Variants in MOCOS observed in about 807,000 individuals in gnomAD.
The protein encoded by MOCOS is human molybdenum cofactor sulfurase.
In MOCOS, 86 loss-of-function variants were observed where a neutral mutation model predicts 83.6. That is an observed-to-expected ratio of 1.03 (90% confidence interval 0.86 to 1.23). The LOEUF (loss-of-function observed/expected upper bound fraction) is 1.23, where lower values mean the gene tolerates loss of function less well. Ranked by LOEUF, MOCOS falls within the 50% of genes most tolerant of loss-of-function variation. MOCOS has a pLI of 0.00. For missense variants in MOCOS, 1,120 were observed against 1,126.9 expected (o/e 0.99, Z 0.09); for synonymous variants, 445 against 434.7 (o/e 1.02, Z -0.29).
intron 9 of MOCOS, among the ~76,000 whole-genome samples, chr18:36,229,674 G>T (rs1341196863): frequency 6.6e-6 from 1 of 151,804 alleles, no homozygotes; most frequent in African/African-American, 2.4e-5. Flanking sequence ...ATTCCCCTAG[G>T]CTTACTTCAC....
intron 9 of MOCOS, among the ~76,000 whole-genome samples, chr18:36,239,646 G>T (rs1341612948): frequency 6.9e-6 from 1 of 145,756 alleles, no homozygotes; most frequent in Non-Finnish European, 1.5e-5. Flanking sequence ...TATCTTTGTG[G>T]CGTTCTCCGT....
intron 11 of MOCOS, among the ~76,000 whole-genome samples, chr18:36,255,063 T>A (rs1371731844): frequency 1.3e-5 from 2 of 152,090 alleles, no homozygotes. Context: ...CAAAGCAACA[T>A]AAGTATATTA....
At position 36,271,472 on chromosome 18, in the gene MOCOS, C is replaced by T. The variant is rs2091698856; in HGVS notation, c.*2787C>T. ...TGTACTTTGTGTATCTGTAGAGTGG[C>T]TTCATATTCAGAGTTTATGGACATT... On this transcript the variant is annotated 3_prime_UTR_variant, in exon 15 of 15. Coordinates refer to ENST00000261326, the MANE Select transcript of MOCOS (RefSeq NM_017947.4). 6.6e-6 allele frequency: 1 copy of T among 152,016 alleles called. No individual in the cohort carries two copies. Among genetic ancestry groups the T allele is most frequent in the Non-Finnish European group, 1.5e-5 (1 of 68,016 alleles). 9.4% of individuals were successfully genotyped at this position (152,016 alleles called of 1,614,324 possible).
At chr18:36,226,714 C>CTT (rs71168207) in intron 9 of MOCOS, among the ~76,000 whole-genome samples, 16,154 of 143,174 alleles carry the variant, frequency 0.11, 994 homozygotes, top group Non-Finnish European at 0.14. Context: ...TAGGTTTTTT[C>CTT]TTTTTTTTTT....
chr18:36,254,456 CTCTGTGTGTG>C (rs1417376742), intron 11 of MOCOS, among the ~76,000 whole-genome samples: 1 of 90,128 alleles, frequency 1.1e-5, no homozygotes, highest in African/African-American at 5.0e-5. Flanking sequence ...AATACATTAT[CTCTGTGTGTG>C]TGTGTGTGTG....
rs570262224 is a variant in MOCOS, at chr18:36,271,650, T to A, written c.*2965T>A. On this transcript the variant is annotated 3_prime_UTR_variant, in exon 15 of 15. Transcript: ENST00000261326. ...GTTAGAGTCACAAAAAGTCCTTTTT[T>A]AAAAAAACTTGGTGAGAACAGACAA... 1 of 152,284 alleles carries A rather than the reference T, an allele frequency of 6.6e-6. No individual in the cohort carries two copies. Among genetic ancestry groups the A allele is most frequent in the East Asian group, 1.9e-4 (1 of 5,176 alleles). 9.4% of individuals were successfully genotyped at this position (152,284 alleles called of 1,614,324 possible). A position where few individuals can be genotyped will look rare whatever the true frequency, so the allele number is the denominator to read the frequency against.
chr18:36,199,137 T>G (rs2091401553), intron 3 of MOCOS, among the ~76,000 whole-genome samples: 1 of 152,080 alleles, frequency 6.6e-6, no homozygotes, highest in Non-Finnish European at 1.5e-5. Context: ...CTTGTTTTCT[T>G]CCTGTCTTTT....
At chr18:36,222,970 TTA>T (rs2091502311) in intron 9 of MOCOS, among the ~76,000 whole-genome samples, 1 of 152,226 alleles carries the variant, frequency 6.6e-6, no homozygotes, top group Non-Finnish European at 1.5e-5. Context: ...TAGGAGTTCC[TTA>T]TATATCTTTG....
In MOCOS at chr18:36,249,010, T is replaced by C. The variant is rs1447816068; in HGVS notation, c.2039+10T>C. 2 of 1,612,518 alleles carry C rather than the reference T, an allele frequency of 1.2e-6. No individual in the cohort carries two copies. The highest frequency in any genetic ancestry group is 1.7e-6 in the Non-Finnish European group (2 of 1,178,554). ...GGGTCTGTGCTGACAGGTGAGACTC[T>C]GAAGCACGTGAAAATCTCAGCTTTA... On this transcript the variant is annotated intron_variant, in intron 10 of 14. Transcript: ENST00000261326.
intron 13 of MOCOS, among the ~76,000 whole-genome samples, chr18:36,265,710 A>G (rs2065291265): frequency 6.7e-6 from 1 of 150,324 alleles, no homozygotes; most frequent in Non-Finnish European, 1.5e-5. Flanking sequence ...AGTATTGTGT[A>G]TGTGTGGCAT....
chr18:36,265,284 G>T (rs1161585828), intron 13 of MOCOS, among the ~76,000 whole-genome samples: 3 of 152,196 alleles, frequency 2.0e-5, no homozygotes, highest in Non-Finnish European at 4.4e-5. Flanking sequence ...GGAATTTCTT[G>T]TGGGATTATT....
At chr18:36,206,387 C>T (rs546419127) in intron 6 of MOCOS, among the ~76,000 whole-genome samples, 96 of 151,598 alleles carry the variant, frequency 6.3e-4, no homozygotes, top group Admixed American at 9.9e-4. Context: ...GCTGGGACTA[C>T]GGACATGTGC....
At chr18:36,191,039 A>AAAAG (rs1491093232) in intron 1 of MOCOS, among the ~76,000 whole-genome samples, 2 of 112,030 alleles carry the variant, frequency 1.8e-5, no homozygotes, top group African/African-American at 7.3e-5. Context: ...AAAGAAAAAG[A>AAAAG]AAAAAAAGTG....
At chr18:36,252,371 A>G (rs1292539903) in intron 11 of MOCOS, among the ~76,000 whole-genome samples, 1 of 152,172 alleles carries the variant, frequency 6.6e-6, no homozygotes, top group Non-Finnish European at 1.5e-5. Context: ...ATAAGATACA[A>G]AAATTATGAA....
intron 6 of MOCOS, among the ~76,000 whole-genome samples, chr18:36,210,724 A>T (rs942116429): frequency 6.6e-6 from 1 of 151,334 alleles, no homozygotes; most frequent in East Asian, 1.9e-4. Flanking sequence ...GGTGGCACAC[A>T]CCTGTAACCC....
chr18:36,206,692 T>C (rs1568052015), intron 6 of MOCOS, among the ~76,000 whole-genome samples: 1 of 152,194 alleles, frequency 6.6e-6, no homozygotes, highest in South Asian at 2.1e-4. Context: ...TTTGTGTCCA[T>C]GTGTACTCAA....
intron 8 of MOCOS, among the ~76,000 whole-genome samples, chr18:36,219,571 C>G (rs1474517048): frequency 1.3e-5 from 2 of 152,072 alleles, no homozygotes; most frequent in Non-Finnish European, 2.9e-5. Flanking sequence ...CCCAGCTACT[C>G]AGGAGGCTGA....
At chr18:36,208,345 G>A (rs2057388887) in intron 6 of MOCOS, among the ~76,000 whole-genome samples, 2 of 152,024 alleles carry the variant, frequency 1.3e-5, no homozygotes, top group African/African-American at 4.8e-5. Context: ...AATGACATTG[G>A]TAGTTTGATA....
chr18:36,193,498 T>C (rs2091375052), intron 1 of MOCOS, among the ~76,000 whole-genome samples: 1 of 152,086 alleles, frequency 6.6e-6, no homozygotes, highest in Non-Finnish European at 1.5e-5. Flanking sequence ...GGAAATAACT[T>C]CTTCAATAAG....
Sources: allele counts gnomAD v4.1 joint callset (sites outside exome capture counted in the v4.1 genomes callset), GRCh38; gene constraint gnomAD v4.1.1; transcripts MANE v1.5; gene names NCBI Gene and HGNC (gene_info 2026-07-23, HGNC 2026-07-21).